The following CCDC60 variants were observed in gnomAD, a reference collection of about 807,000 sequenced individuals.
The protein encoded by CCDC60 is coiled-coil domain containing 60.
Under a neutral mutation model 63.5 loss-of-function variants are expected in CCDC60, and 54 were observed. The ratio of observed to expected loss-of-function variants is 0.85; its 90% CI spans 0.68 to 1.07. CCDC60 has a LOEUF of 1.07. Among genes scored for constraint, CCDC60 ranks in the 50% least tolerant of loss-of-function variants. CCDC60 has a pLI of 0.00. For missense variants in CCDC60, 651 were observed against 684.3 expected, an observed-to-expected ratio of 0.95 and a Z score of 0.54; for synonymous variants, 206 against 238.8, an observed-to-expected ratio of 0.86 and a Z score of 1.27.
intron 1 of CCDC60, among the ~76,000 whole-genome samples, chr12:119,397,994 G>A (rs1457710355): frequency 2.8e-5 from 1 of 36,172 alleles, no homozygotes; most frequent in Non-Finnish European, 5.5e-5. Flanking sequence ...AGGAAGGGGC[G>A]GTGTGGGGGG....
intron 4 of CCDC60, chr12:119,479,455 A>C: frequency 2.2e-6 from 1 of 452,846 alleles, no homozygotes; most frequent in Non-Finnish European, 4.1e-6. Context: ...AATGTCAAAT[A>C]GTTTGCAAAG....
rs1175500078 is a variant in CCDC60, at chr12:119,420,372, A to C, written c.91-8311A>C. 6.6e-6 allele frequency among the ~76,000 whole-genome samples: 1 copy of C among 151,912 alleles called. No homozygotes were observed. Among genetic ancestry groups the C allele is most frequent in the Non-Finnish European group, 1.5e-5 (1 of 67,984 alleles). ...CCAAAATGGAGTATTATTCAGCTAC[A>C]AAAAAAAGAGTGAGATCCAGTTATT... On this transcript the variant is annotated intron_variant, in intron 1 of 13. Transcript: ENST00000327554. This position sits in a 1 kb window ranked among gnomAD's most constrained non-coding sequence, Gnocchi z 4.1.
intron 13 of CCDC60, among the ~76,000 whole-genome samples, chr12:119,539,220 G>C (rs1447363323): frequency 1.3e-5 from 2 of 152,212 alleles, no homozygotes; most frequent in East Asian, 3.8e-4. Context: ...TGAGCGCTGT[G>C]CTGGGAGATC....
intron 2 of CCDC60, among the ~76,000 whole-genome samples, chr12:119,471,663 G>A (rs953149988): frequency 6.6e-6 from 1 of 152,150 alleles, no homozygotes; most frequent in African/African-American, 2.4e-5. Context: ...AGGTCTGGCT[G>A]AGTCTGGAAA....
At chr12:119,361,751 A>G (rs1349561262) in intron 1 of CCDC60, among the ~76,000 whole-genome samples, 14 of 152,248 alleles carry the variant, frequency 9.2e-5, no homozygotes, top group Admixed American at 7.2e-4. Flanking sequence ...AGCATTAATC[A>G]TATTTTCAAA....
At chr12:119,357,170 C>T (rs1955726510) in intron 1 of CCDC60, among the ~76,000 whole-genome samples, 1 of 152,078 alleles carries the variant, frequency 6.6e-6, no homozygotes, top group Non-Finnish European at 1.5e-5. Flanking sequence ...TTGTTATATG[C>T]ATAGTATGTG....
At chr12:119,489,183 C>G (rs1294514790) in intron 5 of CCDC60, among the ~76,000 whole-genome samples, 1 of 152,142 alleles carries the variant, frequency 6.6e-6, no homozygotes. Context: ...GGAAGCACAT[C>G]ACTGGATCCA....
At chr12:119,466,303 G>A (rs1054573872) in intron 2 of CCDC60, among the ~76,000 whole-genome samples, 5 of 152,122 alleles carry the variant, frequency 3.3e-5, no homozygotes, top group East Asian at 1.9e-4. Flanking sequence ...TCTGGAATAC[G>A]AGCTTCATAA....
chr12:119,364,335 A>G (rs1265754436), intron 1 of CCDC60, among the ~76,000 whole-genome samples: 2 of 152,178 alleles, frequency 1.3e-5, no homozygotes, highest in Non-Finnish European at 2.9e-5. Context: ...GAGCATTTTT[A>G]TAGTCCCCAA....
At position 119,460,727 on chromosome 12, in the gene CCDC60, A is replaced by T. The variant is rs567687970; in HGVS notation, c.171-11267A>T. On this transcript the variant is annotated intron_variant, in intron 2 of 13. Transcript: ENST00000327554. ...TTCAATTCATATCTGCTAATATCCCATCGACCAAAGGAGACACATGTCCAA... is the reference window on the plus strand; with the variant it reads ...TTCAATTCATATCTGCTAATATCCCTTCGACCAAAGGAGACACATGTCCAA... 5.9e-5 allele frequency among the ~76,000 whole-genome samples: 9 copies of T among 152,298 alleles called. No individual in the cohort carries two copies. The East Asian group carries it at 1.4e-3, about 23-fold the overall frequency.
intron 2 of CCDC60, among the ~76,000 whole-genome samples, 156 bp from the exon 3 acceptor site, chr12:119,471,838 C>G (rs1951065749): frequency 6.6e-6 from 1 of 151,518 alleles, no homozygotes; most frequent in Admixed American, 6.6e-5. Context: ...CTCTCTCACT[C>G]TCTTTCTCTA....
Position 119,346,774 on chromosome 12 carries a change from C to CTCTTTCTTTCTTT in CCDC60, c.90+11509_90+11521dup, listed in dbSNP as rs1555230506. Among the ~76,000 whole-genome samples, 205 of 125,392 alleles carry CTCTTTCTTTCTTT rather than the reference C, an allele frequency of 1.6e-3. 2 individuals carry two copies. Among genetic ancestry groups the CTCTTTCTTTCTTT allele is most frequent in the African/African-American group, 6.1e-3 (197 of 32,482 alleles). The allele number at this position is 125,392 out of a possible 152,430, so 82.3% of individuals were successfully genotyped here. On this transcript the variant is annotated intron_variant, in intron 1 of 13. Coordinates refer to ENST00000327554, the MANE Select transcript of CCDC60 (RefSeq NM_178499.5). ...CTGCATGTGGCTTAGACTCATCTTT[C>CTCTTTCTTTCTTT]TCTTTCTTTCTTTCTTTCTTTCTTT...
chr12:119,468,182 C>T lies in CCDC60; in HGVS notation c.171-3812C>T, dbSNP rs542432891. The stretch of plus-strand genomic sequence containing the variant: ...TGGCACATGCCTGTAATCCCAGCTA[C>T]GCAGGAGGCTGAGGCAGGAGAATTG... On this transcript the variant is annotated intron_variant, in intron 2 of 13. Coordinates refer to ENST00000327554, the MANE Select transcript of CCDC60 (RefSeq NM_178499.5). Among the ~76,000 whole-genome samples, 60 of 152,222 alleles carry T rather than the reference C, an allele frequency of 3.9e-4. 1 individual carries two copies. Among genetic ancestry groups the T allele is most frequent in the Admixed American group, 1.9e-3 (29 of 15,290 alleles).
intron 4 of CCDC60, among the ~76,000 whole-genome samples, chr12:119,482,014 TA>T (rs1263212110): frequency 6.8e-6 from 1 of 147,136 alleles, no homozygotes; most frequent in East Asian, 1.9e-4. Context: ...ATAGTATATA[TA>T]TATGTATATA....
At chr12:119,368,039 T>A in intron 1 of CCDC60, among the ~76,000 whole-genome samples, 1 of 143,654 alleles carries the variant, frequency 7.0e-6, no homozygotes, top group East Asian at 2.2e-4. Context: ...TATATGTCAA[T>A]AAATCTGTTT....
In CCDC60 at chr12:119,540,567, T is replaced by G. The variant is rs976952205; in HGVS notation, c.1552-47T>G. 4.3e-6 allele frequency: 6 copies of G among 1,379,604 alleles called. No homozygotes were observed. The African/African-American group carries it at 8.6e-5, about 20-fold the overall frequency. The allele number at this position is 1,379,604 out of a possible 1,614,324, so 85.5% of individuals were successfully genotyped here. A position where few individuals can be genotyped will look rare whatever the true frequency, so the allele number is the denominator to read the frequency against. ...GAGGGGAGGGAGAGAAGGTGGAGTC[T>G]ACTTTTCAGAGCAAATTCTGAGATT... On this transcript the variant is annotated intron_variant, in intron 13 of 13. Transcript: ENST00000327554.
chr12:119,434,118 A>G (rs1727386), intron 2 of CCDC60, among the ~76,000 whole-genome samples: 86,047 of 152,090 alleles, frequency 0.57, 24,624 homozygotes, highest in East Asian at 0.75. Flanking sequence ...GCAAATAAAC[A>G]ATGATGAATT....
At chr12:119,492,182 T>C (rs1951604946) in intron 5 of CCDC60, among the ~76,000 whole-genome samples, 1 of 152,190 alleles carries the variant, frequency 6.6e-6, no homozygotes, top group Non-Finnish European at 1.5e-5. Context: ...TGACTATTTC[T>C]TCCTGGTGGG....
At chr12:119,458,085 A>G (rs1224224037) in intron 2 of CCDC60, among the ~76,000 whole-genome samples, 2 of 152,208 alleles carry the variant, frequency 1.3e-5, no homozygotes, top group Admixed American at 6.5e-5. Flanking sequence ...TCCGAAATCA[A>G]TATGTCTGGG....
Sources: allele counts gnomAD v4.1 joint callset (sites outside exome capture counted in the v4.1 genomes callset), GRCh38; gene constraint gnomAD v4.1.1; non-coding constraint Gnocchi (gnomAD v3.1); transcripts MANE v1.5; gene names NCBI Gene and HGNC (gene_info 2026-07-23, HGNC 2026-07-21).